The following CDH13 variants were observed in gnomAD, a reference collection of about 807,000 sequenced individuals.
CDH13 encodes the protein cadherin-13.
CDH13 carries 24 observed loss-of-function variants against 63.8 expected under a neutral mutation model. The ratio of observed to expected loss-of-function variants is 0.38; its 90% CI spans 0.27 to 0.53. CDH13 has a LOEUF of 0.53. Ranked by LOEUF, CDH13 falls within the 20% of genes least tolerant of loss-of-function variation. The pLI is 0.85. For missense variants in CDH13, 1,049 were observed against 903.1 expected, an observed-to-expected ratio of 1.16 and a Z score of -2.07; for synonymous variants, 503 against 355.3, an observed-to-expected ratio of 1.42 and a Z score of -4.67.
intron 8 of CDH13, among the ~76,000 whole-genome samples, chr16:83,653,444 GTT>G (rs34068620): frequency 1.9e-4 from 28 of 147,920 alleles, no homozygotes; most frequent in South Asian, 4.3e-4. Flanking sequence ...ATCACAAGCT[GTT>G]TTTTTTTTTT....
intron 3 of CDH13, among the ~76,000 whole-genome samples, chr16:83,080,886 T>TTTTTTG (rs1555579095): frequency 1.7e-5 from 2 of 117,406 alleles, no homozygotes; most frequent in African/African-American, 3.8e-5. Flanking sequence ...TTTTTTTTTT[T>TTTTTTG]TTTTTTTTTT....
chr16:83,452,660 T>C (rs2151512731), intron 6 of CDH13, among the ~76,000 whole-genome samples: 1 of 152,318 alleles, frequency 6.6e-6, no homozygotes, highest in Non-Finnish European at 1.5e-5. Flanking sequence ...ACAAACATGA[T>C]ATTTAAAGAA....
chr16:83,562,221 G>T (rs974616776), intron 7 of CDH13, among the ~76,000 whole-genome samples: 2 of 152,190 alleles, frequency 1.3e-5, no homozygotes, highest in African/African-American at 4.8e-5. Context: ...GGAATCTTCT[G>T]ACCTGGATAG....
chr16:82,854,497 G>A (rs1177540472), intron 1 of CDH13, among the ~76,000 whole-genome samples: 1 of 152,042 alleles, frequency 6.6e-6, no homozygotes, highest in Non-Finnish European at 1.5e-5. Context: ...TAGCTTTTGG[G>A]GAAGTCCTAA....
At chr16:83,477,084 C>G (rs1185021593) in intron 6 of CDH13, among the ~76,000 whole-genome samples, 1 of 152,180 alleles carries the variant, frequency 6.6e-6, no homozygotes, top group Non-Finnish European at 1.5e-5. Context: ...ATAAACAGTT[C>G]TTCAGCTTCA....
chr16:83,087,667 G>A (rs370169972), intron 3 of CDH13, among the ~76,000 whole-genome samples: 21 of 46,618 alleles, frequency 4.5e-4, no homozygotes, highest in African/African-American at 1.8e-3. Context: ...GACTCCCTCC[G>A]TCTCAAAAAA....
intron 7 of CDH13, among the ~76,000 whole-genome samples, chr16:83,492,144 A>C (rs1381384104): frequency 1.3e-5 from 2 of 152,186 alleles, no homozygotes; most frequent in African/African-American, 4.8e-5. Flanking sequence ...GCATCTCCAG[A>C]AACATACTAA....
At chr16:82,891,441 T>C (rs1243235243) in intron 2 of CDH13, among the ~76,000 whole-genome samples, 1 of 152,150 alleles carries the variant, frequency 6.6e-6, no homozygotes, top group Non-Finnish European at 1.5e-5. Context: ...TTGCCTACAT[T>C]TAGCAAAGCA....
At chr16:83,050,238 C>G (rs1356558130) in intron 3 of CDH13, among the ~76,000 whole-genome samples, 4 of 152,092 alleles carry the variant, frequency 2.6e-5, no homozygotes, top group Admixed American at 1.3e-4. Context: ...GGGTTTATAC[C>G]TAGGAGTGGA....
chr16:82,714,075 A>T (rs909089767), intron 1 of CDH13, among the ~76,000 whole-genome samples: 2 of 152,136 alleles, frequency 1.3e-5, no homozygotes, highest in Non-Finnish European at 2.9e-5. Flanking sequence ...CTGGAATTAC[A>T]GGTGTGAGCC....
At chr16:82,776,663 C>T (rs966938676) in intron 1 of CDH13, among the ~76,000 whole-genome samples, 22 of 152,168 alleles carry the variant, frequency 1.4e-4, no homozygotes, top group Admixed American at 3.9e-4. Context: ...GTTTTCATTG[C>T]GCCCACATGG....
intron 6 of CDH13, among the ~76,000 whole-genome samples, chr16:83,467,276 ACTTGT>A (rs775280317): frequency 2.6e-5 from 4 of 152,198 alleles, no homozygotes; most frequent in African/African-American, 7.2e-5. Context: ...TGAAGAAAAG[ACTTGT>A]CTTGTCCATG....
At chr16:83,572,846 A>G (rs1442525194) in intron 7 of CDH13, among the ~76,000 whole-genome samples, 1 of 152,220 alleles carries the variant, frequency 6.6e-6, no homozygotes. Context: ...TGATGCATTT[A>G]AAATTTAAAT....
In CDH13 at chr16:82,644,816, C is replaced by G. The variant is rs1020519257; in HGVS notation, c.45+17679C>G. 2.0e-5 allele frequency among the ~76,000 whole-genome samples: 3 copies of G among 152,138 alleles called. No homozygotes were observed. The highest frequency in any genetic ancestry group is 7.2e-5 in the African/African-American group (3 of 41,434). On this transcript the variant is annotated intron_variant, in intron 1 of 13. Transcript: ENST00000567109. This position sits in a 1 kb window ranked among gnomAD's most constrained non-coding sequence, Gnocchi z 5.7. ...AGCCACGTAAGTGTCTGATTCAGTCCTCCCTGGTCAGTTTTCCAGCATAGC... is the reference window on the plus strand; with the variant it reads ...AGCCACGTAAGTGTCTGATTCAGTCGTCCCTGGTCAGTTTTCCAGCATAGC...
chr16:82,646,771 T>C (rs6565052), intron 1 of CDH13, among the ~76,000 whole-genome samples: 69,608 of 151,786 alleles, frequency 0.46, 16,782 homozygotes, highest in African/African-American at 0.62. Flanking sequence ...AAGGAGAAAG[T>C]AATGATCAAG....
At chr16:83,252,069 TATATATA>T (rs1905607872) in intron 5 of CDH13, among the ~76,000 whole-genome samples, 1 of 142,514 alleles carries the variant, frequency 7.0e-6, no homozygotes, top group Non-Finnish European at 1.5e-5. Flanking sequence ...AATAAATATA[TATATATA>T]GTATATATGT....
intron 5 of CDH13, among the ~76,000 whole-genome samples, chr16:83,340,029 C>G (rs1366484071): frequency 6.6e-6 from 1 of 152,150 alleles, no homozygotes; most frequent in Non-Finnish European, 1.5e-5. Flanking sequence ...ACACTCATCA[C>G]CATTCTCTGT....
At chr16:82,859,777 G>T (rs1000881291) in intron 2 of CDH13, 5 of 151,864 alleles carry the variant, frequency 3.3e-5, no homozygotes, top group Admixed American at 3.3e-4. Flanking sequence ...ATTCTGTGAG[G>T]CTGGGACACA....
At chr16:82,741,722 G>A (rs1415751250) in intron 1 of CDH13, among the ~76,000 whole-genome samples, 1 of 152,090 alleles carries the variant, frequency 6.6e-6, no homozygotes. Flanking sequence ...ATTAATTAAA[G>A]ACACTATAAA....
Sources: gnomAD v4.1 joint callset for allele counts (sites outside exome capture counted in the v4.1 genomes callset) on GRCh38, gnomAD v4.1.1 for gene constraint, Gnocchi (gnomAD v3.1) non-coding constraint, MANE v1.5 for transcripts, NCBI Gene and HGNC (gene_info 2026-07-23, HGNC 2026-07-21) for gene names.